PITPNM2: variants seen among roughly 807,000 people sequenced by gnomAD.
PITPNM2 encodes membrane-associated phosphatidylinositol transfer protein 2.
In PITPNM2, 35 loss-of-function variants were observed where a neutral mutation model predicts 132.2. The observed-to-expected ratio is 0.26, with a 90% CI of 0.20 to 0.35. The LOEUF (loss-of-function observed/expected upper bound fraction) is 0.35. Ranked by LOEUF, PITPNM2 falls within the 10% of genes least tolerant of loss-of-function variation. The probability of loss-of-function intolerance (pLI) is 1.00; values close to 1 mark genes in which losing one functional copy is unlikely to be tolerated. For synonymous variants in PITPNM2, 738 were observed against 799.2 expected (o/e 0.92, Z 1.29); for missense variants, 1,332 against 1,912.0 (o/e 0.70, Z 5.66).
At chr12:123,012,279 T>C (rs896151549) in intron 5 of PITPNM2, among the ~76,000 whole-genome samples, 25 of 152,362 alleles carry the variant, frequency 1.6e-4, no homozygotes, top group African/African-American at 5.0e-4. Flanking sequence ...GACCCCATTA[T>C]GTGCCGGGGG....
intron 2 of PITPNM2, among the ~76,000 whole-genome samples, chr12:123,038,908 T>TG (rs1172137444): frequency 3.3e-5 from 5 of 152,154 alleles, no homozygotes; most frequent in Non-Finnish European, 7.3e-5. Context: ...AAGACCAGCC[T>TG]GGGCAATACA....
At chr12:123,104,364 C>G (rs1033720784) in intron 2 of PITPNM2, among the ~76,000 whole-genome samples, 2 of 152,352 alleles carry the variant, frequency 1.3e-5, no homozygotes, top group South Asian at 4.1e-4. Context: ...TACGCCCAGA[C>G]GGCCTGAAGT....
At chr12:123,073,574 C>A (rs193196071) in intron 2 of PITPNM2, among the ~76,000 whole-genome samples, 2 of 152,362 alleles carry the variant, frequency 1.3e-5, no homozygotes, top group East Asian at 3.9e-4. Context: ...AGTGCTGCTC[C>A]TACTACCCTG....
At chr12:123,131,517 A>C (rs1046979952) in intron 1 of PITPNM2, among the ~76,000 whole-genome samples, 1 of 152,194 alleles carries the variant, frequency 6.6e-6, no homozygotes, top group African/African-American at 2.4e-5. Context: ...GTGGGTTGTT[A>C]TGGCAGCCCT....
chr12:123,121,539 TTTTTA>T (rs1194704502), intron 1 of PITPNM2, among the ~76,000 whole-genome samples: 6 of 152,138 alleles, frequency 3.9e-5, no homozygotes, highest in African/African-American at 1.4e-4. Flanking sequence ...AACTTTTTTA[TTTTTA>T]TTTTATTTTA....
chr12:123,127,770 T>C (rs906834453), intron 1 of PITPNM2, among the ~76,000 whole-genome samples: 11 of 151,934 alleles, frequency 7.2e-5, no homozygotes, highest in Non-Finnish European at 1.0e-4. Flanking sequence ...CCACCACGCC[T>C]GGCTAATTTT....
intron 1 of PITPNM2, among the ~76,000 whole-genome samples, chr12:123,124,193 T>A (rs1189532799): frequency 1.3e-5 from 2 of 151,754 alleles, no homozygotes; most frequent in Non-Finnish European, 2.9e-5. Context: ...GAGGCGGAGG[T>A]TGCAGTGAGC....
At chr12:123,059,327 G>A (rs1204341932) in intron 2 of PITPNM2, among the ~76,000 whole-genome samples, 1 of 152,242 alleles carries the variant, frequency 6.6e-6, no homozygotes, top group Non-Finnish European at 1.5e-5. Context: ...TTTGGTAAAA[G>A]GTCTCGGATG....
intron 1 of PITPNM2, among the ~76,000 whole-genome samples, chr12:123,127,855 C>T (rs975987055): frequency 2.0e-5 from 3 of 152,082 alleles, no homozygotes; most frequent in Admixed American, 1.3e-4. Context: ...GTGATCCGCC[C>T]GCCTTGGCCT....
chr12:122,995,750 C>T (rs1042284249), intron 13 of PITPNM2, 90 bp from the exon 14 acceptor site: 3 of 1,444,276 alleles, frequency 2.1e-6, no homozygotes, highest in Non-Finnish European at 2.7e-6. Flanking sequence ...CCCTCCTAAC[C>T]CCAGGCCAAG....
At position 123,106,003 on chromosome 12, in the gene PITPNM2, G is replaced by A. The variant is rs983719781; in HGVS notation, c.-96+4382C>T. Reference sequence around the variant, plus strand: ...GCCCTGCCTGTCCTGAAGAGCACAAGTGAAACAGACCCATGCCCATCCCCC... The same window carrying A: ...GCCCTGCCTGTCCTGAAGAGCACAAATGAAACAGACCCATGCCCATCCCCC... On this transcript the variant is annotated intron_variant, in intron 2 of 25. Coordinates refer to ENST00000320201, the MANE Select transcript of PITPNM2 (RefSeq NM_020845.3). The surrounding 1 kb of genome is among the most constrained non-coding windows in gnomAD (Gnocchi z 4.4). 1.3e-5 allele frequency among the ~76,000 whole-genome samples: 2 copies of A among 152,146 alleles called. No homozygotes were observed. The highest frequency in any genetic ancestry group is 4.8e-5 in the African/African-American group (2 of 41,426).
chr12:123,009,544 G>T lies in PITPNM2; in HGVS notation c.643+306C>A, dbSNP rs899997052. 6.6e-6 allele frequency among the ~76,000 whole-genome samples: 1 copy of T among 152,200 alleles called. No individual in the cohort carries two copies. The highest frequency in any genetic ancestry group is 1.5e-5 in the Non-Finnish European group (1 of 68,036). Reference sequence around the variant, plus strand: ...GGCTACTCAGACCTGTGGAGTGTGGGCTACTCTTTATCAAATGCGAACTAG... The same window carrying T: ...GGCTACTCAGACCTGTGGAGTGTGGTCTACTCTTTATCAAATGCGAACTAG... On this transcript the variant is annotated intron_variant, in intron 6 of 25. Coordinates refer to ENST00000320201, the MANE Select transcript of PITPNM2 (RefSeq NM_020845.3). The surrounding 1 kb of genome is among the most constrained non-coding windows in gnomAD (Gnocchi z 4.8).
rs946015734 is a variant in PITPNM2 at position 123,150,792 on chromosome 12, C to T, written c.-239G>A. On this transcript the variant is annotated 5_prime_UTR_variant, in exon 1 of 26. Coordinates refer to ENST00000320201, the MANE Select transcript of PITPNM2 (RefSeq NM_020845.3). The surrounding 1 kb of genome is among the most constrained non-coding windows in gnomAD (Gnocchi z 6.0). The stretch of plus-strand genomic sequence containing the variant: ...CCGCGGGCTCTGTCCTCTTCGGGGC[C>T]CCGGCTGGGCCGCCGCCACCTCACG... Among the ~76,000 whole-genome samples the T allele has an allele frequency of 2.7e-5, 4 of 148,192 alleles. No homozygotes were observed. The highest frequency in any genetic ancestry group is 9.8e-5 in the African/African-American group (4 of 41,012).
rs569087962 is a variant in PITPNM2 at position 123,031,471 on chromosome 12, A to G, written c.78+3042T>C. ...AAACTTCCCAGTCAGTAGCTCTAGCAGGAACCTATGGCTTCCTGGTAACTA... is the reference window on the plus strand; with the variant it reads ...AAACTTCCCAGTCAGTAGCTCTAGCGGGAACCTATGGCTTCCTGGTAACTA... On this transcript the variant is annotated intron_variant, in intron 3 of 25. Transcript: ENST00000320201. This position sits in a 1 kb window ranked among gnomAD's most constrained non-coding sequence, Gnocchi z 4.5. Among the ~76,000 whole-genome samples the G allele has an allele frequency of 4.1e-4, 63 of 152,362 alleles. No homozygotes were observed. Among genetic ancestry groups the G allele is most frequent in the African/African-American group, 1.4e-3 (59 of 41,578 alleles).
chr12:123,070,547 C>T (rs1466544345), intron 2 of PITPNM2, among the ~76,000 whole-genome samples: 4 of 152,190 alleles, frequency 2.6e-5, no homozygotes, highest in African/African-American at 9.7e-5. Context: ...GAACATGACA[C>T]ACGCTGAGTC....
Position 122,993,403 on chromosome 12 carries a change from T to G in PITPNM2, c.2234-734A>C, listed in dbSNP as rs1247460829. 1.3e-5 allele frequency among the ~76,000 whole-genome samples: 2 copies of G among 152,250 alleles called. No individual in the cohort carries two copies. Among genetic ancestry groups the G allele is most frequent in the Non-Finnish European group, 2.9e-5 (2 of 68,050 alleles). On this transcript the variant is annotated intron_variant, in intron 15 of 25. Coordinates refer to ENST00000320201, the MANE Select transcript of PITPNM2 (RefSeq NM_020845.3). This position sits in a 1 kb window ranked among gnomAD's most constrained non-coding sequence, Gnocchi z 5.2. ...CGTGAATGCAAGGTTGTGTTAATTA[T>G]TAGTGCTGTATCTCACTTTTAGAGG...
chr12:123,086,605 C>A (rs2042119651), intron 2 of PITPNM2, among the ~76,000 whole-genome samples: 1 of 152,204 alleles, frequency 6.6e-6, no homozygotes, highest in Admixed American at 6.5e-5. Flanking sequence ...CTGATTGAAT[C>A]TTTTTGTCCC....
At chr12:123,002,375 A>G (rs148939296) in intron 8 of PITPNM2, among the ~76,000 whole-genome samples, 115 of 152,220 alleles carry the variant, frequency 7.6e-4, no homozygotes, top group African/African-American at 2.7e-3. Flanking sequence ...AAAATGCTAC[A>G]TTTACTTTAT....
At chr12:123,030,622 G>A in intron 3 of PITPNM2, among the ~76,000 whole-genome samples, 1 of 151,998 alleles carries the variant, frequency 6.6e-6, no homozygotes. Context: ...GAACCCGGGA[G>A]GCGGAGCTTG....
Sources: gnomAD v4.1 joint callset for allele counts (sites outside exome capture counted in the v4.1 genomes callset) on GRCh38, gnomAD v4.1.1 for gene constraint, Gnocchi (gnomAD v3.1) non-coding constraint, MANE v1.5 for transcripts, NCBI Gene and HGNC (gene_info 2026-07-23, HGNC 2026-07-21) for gene names.